Variants in PTPRD observed in about 807,000 individuals in gnomAD.
PTPRD encodes the protein receptor-type tyrosine-protein phosphatase delta.
A neutral mutation model predicts 214.5 loss-of-function variants in PTPRD; 34 were observed. The observed-to-expected ratio is 0.16, with a 90% confidence interval of 0.12 to 0.21. PTPRD has a LOEUF of 0.21. Among genes scored for constraint, PTPRD ranks in the 10% least tolerant of loss-of-function variants. The probability of loss-of-function intolerance (pLI) is 1.00; values close to 1 mark genes in which losing one functional copy is unlikely to be tolerated. For synonymous variants in PTPRD, 1,128 were observed against 845.7 expected, an observed-to-expected ratio of 1.33 and a Z score of -5.79; for missense variants, 2,545 against 2,398.7, an observed-to-expected ratio of 1.06 and a Z score of -1.27.
intron 5 of PTPRD, among the ~76,000 whole-genome samples, chr9:9,772,883 C>A (rs144705485): frequency 6.6e-6 from 1 of 152,088 alleles, no homozygotes; most frequent in African/African-American, 2.4e-5. Flanking sequence ...TCTCTCAAAA[C>A]GACACATTCA....
chr9:9,937,829 T>G (rs2090103227), intron 5 of PTPRD, among the ~76,000 whole-genome samples: 1 of 152,206 alleles, frequency 6.6e-6, no homozygotes, highest in African/African-American at 2.4e-5. Flanking sequence ...GTATAATACA[T>G]ATATTTCATT....
intron 2 of PTPRD, among the ~76,000 whole-genome samples, chr9:10,342,042 T>G (rs11999714): frequency 8.5e-4 from 130 of 152,160 alleles, no homozygotes; most frequent in African/African-American, 3.0e-3. Context: ...TTGTGGTTCT[T>G]GGAATAAATT....
chr9:9,020,925 G>A (rs1289655421), intron 10 of PTPRD, among the ~76,000 whole-genome samples: 1 of 152,096 alleles, frequency 6.6e-6, no homozygotes, highest in African/African-American at 2.4e-5. Context: ...GGTTCTAGGG[G>A]CCAGAAGCTA....
chr9:9,999,323 T>G (rs1246123132), intron 4 of PTPRD, among the ~76,000 whole-genome samples: 2 of 152,084 alleles, frequency 1.3e-5, no homozygotes, highest in Non-Finnish European at 2.9e-5. Context: ...TGTGGAGAAA[T>G]AGAAGACCTT....
At chr9:8,833,582 G>T (rs947118398) in intron 11 of PTPRD, among the ~76,000 whole-genome samples, 11 of 147,942 alleles carry the variant, frequency 7.4e-5, no homozygotes, top group South Asian at 2.2e-4. Flanking sequence ...TGTATGACCT[G>T]GTCCATTTTT....
chr9:10,107,119 A>G (rs903086531), intron 3 of PTPRD, among the ~76,000 whole-genome samples: 1 of 152,014 alleles, frequency 6.6e-6, no homozygotes, highest in Non-Finnish European at 1.5e-5. Context: ...ATGGAAGAAC[A>G]TATAAATTTA....
chr9:9,351,428 T>G (rs953784882), intron 9 of PTPRD, among the ~76,000 whole-genome samples: 1 of 152,010 alleles, frequency 6.6e-6, no homozygotes, highest in Non-Finnish European at 1.5e-5. Flanking sequence ...TACTTGGGAA[T>G]GAGAACAAAT....
At chr9:9,841,538 TG>T (rs1183465479) in intron 5 of PTPRD, among the ~76,000 whole-genome samples, 1 of 152,134 alleles carries the variant, frequency 6.6e-6, no homozygotes, top group Non-Finnish European at 1.5e-5. Flanking sequence ...TACATATTTC[TG>T]TTATTAGAAT....
At chr9:8,639,655 G>A (rs867726921) in intron 12 of PTPRD, among the ~76,000 whole-genome samples, 1 of 152,198 alleles carries the variant, frequency 6.6e-6, no homozygotes, top group Admixed American at 6.5e-5. Flanking sequence ...CCCAAAGAAT[G>A]AAGAAGAGTT....
rs138042493 is a variant in PTPRD, at chr9:10,469,601, G to A, written c.-599-128584C>T. 1.9e-3 allele frequency among the ~76,000 whole-genome samples: 286 copies of A among 152,140 alleles called. 1 individual carries two copies. The highest frequency in any genetic ancestry group is 6.4e-3 in the African/African-American group (266 of 41,528). ...TAGCCATTATGAAAAACAGTATGGCGCTTCCTCAAAGAACTAAAAATAGAG... is the reference window on the plus strand; with the variant it reads ...TAGCCATTATGAAAAACAGTATGGCACTTCCTCAAAGAACTAAAAATAGAG... On this transcript the variant is annotated intron_variant, in intron 2 of 45. Transcript: ENST00000381196.
chr9:9,094,263 T>A (rs1274023013), intron 10 of PTPRD, among the ~76,000 whole-genome samples: 2 of 151,936 alleles, frequency 1.3e-5, no homozygotes, highest in Non-Finnish European at 2.9e-5. Context: ...ATTGCAAAGG[T>A]TTGGAACCAA....
At chr9:8,643,994 G>A (rs192621701) in intron 12 of PTPRD, among the ~76,000 whole-genome samples, 28 of 152,264 alleles carry the variant, frequency 1.8e-4, no homozygotes, top group Admixed American at 5.2e-4. Flanking sequence ...CCTTTTCTGG[G>A]ACCGCCCATG....
At chr9:8,504,135 A>T in intron 23 of PTPRD, 126 bp downstream of exon 23, 1 of 904,418 alleles carries the variant, frequency 1.1e-6, no homozygotes, top group African/African-American at 1.7e-5. Flanking sequence ...GTGAAGTGTG[A>T]TGCATACTAA....
intron 8 of PTPRD, among the ~76,000 whole-genome samples, chr9:9,523,789 A>C (rs2097052852): frequency 6.6e-6 from 1 of 152,000 alleles, no homozygotes; most frequent in Non-Finnish European, 1.5e-5. Flanking sequence ...TCTCTATTTT[A>C]CTTCTCAGCT....
At chr9:9,528,413 G>C (rs2074657796) in intron 8 of PTPRD, among the ~76,000 whole-genome samples, 1 of 152,138 alleles carries the variant, frequency 6.6e-6, no homozygotes. Flanking sequence ...TAGTTTGGAA[G>C]CTAAATTAGC....
intron 35 of PTPRD, among the ~76,000 whole-genome samples, chr9:8,425,499 C>T (rs1280185896): frequency 2.0e-5 from 3 of 152,060 alleles, no homozygotes; most frequent in African/African-American, 2.4e-5. Context: ...GAGCAAGCCA[C>T]GCTTCTTCTC....
chr9:9,052,330 TTTATTCATAACA>T (rs1368871514), intron 10 of PTPRD, among the ~76,000 whole-genome samples: 3 of 152,206 alleles, frequency 2.0e-5, no homozygotes, highest in Non-Finnish European at 2.9e-5. Flanking sequence ...AACATAAAGA[TTTATTCATAACA>T]TCATTGTATG....
chr9:9,799,476 A>G (rs2296171), intron 5 of PTPRD: 15,257 of 152,226 alleles, frequency 0.1, 1,809 homozygotes, highest in East Asian at 0.59. Context: ...TAAAAATGAA[A>G]GTAACCACTT....
intron 8 of PTPRD, among the ~76,000 whole-genome samples, chr9:9,432,620 A>T (rs2143314704): frequency 6.6e-6 from 1 of 152,286 alleles, no homozygotes; most frequent in Non-Finnish European, 1.5e-5. Flanking sequence ...AACAGTGCAG[A>T]CCCATGCCTC....
Sources: allele counts gnomAD v4.1 joint callset (sites outside exome capture counted in the v4.1 genomes callset), GRCh38; gene constraint gnomAD v4.1.1; transcripts MANE v1.5; gene names NCBI Gene and HGNC (gene_info 2026-07-23, HGNC 2026-07-21).